NALCN: variants seen among roughly 807,000 people sequenced by gnomAD.
The protein encoded by NALCN is sodium leak channel, non-selective.
In NALCN, 111 loss-of-function variants were observed where a neutral mutation model predicts 225.3. The observed-to-expected ratio is 0.49, with a 90% confidence interval of 0.42 to 0.58. The LOEUF is 0.58. NALCN is among the 20% of genes least tolerant of loss of function. NALCN has a pLI of 0.00. For missense variants in NALCN, 1,378 were observed against 2,202.4 expected (o/e 0.63, Z 7.49); for synonymous variants, 764 against 769.0 (o/e 0.99, Z 0.11).
chr13:101,180,795 T>C (rs999455410), intron 14 of NALCN: 5 of 320,356 alleles, frequency 1.6e-5, no homozygotes, highest in African/African-American at 1.1e-4. Context: ...ACACTGCCGA[T>C]GCTCCCAAGT....
At chr13:101,318,858 T>C (rs2044648140) in intron 7 of NALCN, among the ~76,000 whole-genome samples, 1 of 152,200 alleles carries the variant, frequency 6.6e-6, no homozygotes, top group African/African-American at 2.4e-5. Flanking sequence ...CTCACATCTT[T>C]TTTTTAGTGA....
chr13:101,219,558 G>A (rs1401938335), intron 13 of NALCN, among the ~76,000 whole-genome samples: 1 of 152,104 alleles, frequency 6.6e-6, no homozygotes, highest in Non-Finnish European at 1.5e-5. Flanking sequence ...AGACTATCAG[G>A]TGCTGGTTTG....
Position 101,242,273 on chromosome 13 carries a change from TG to T in NALCN, c.1267-4352del, listed in dbSNP as rs1287533468. 1.9e-5 allele frequency among the ~76,000 whole-genome samples: 2 copies of T among 106,448 alleles called. 1 individual carries two copies. Among genetic ancestry groups the T allele is most frequent in the African/African-American group, 6.8e-5 (2 of 29,626 alleles). 69.8% of individuals were successfully genotyped at this position (106,448 alleles called of 152,430 possible). ...CTTCCTGTGTATTTTATGTCATTGC[TG>T]TTTCATTTTTAACCTTATCTTGTCT... On this transcript the variant is annotated intron_variant, in intron 11 of 43. Coordinates refer to ENST00000251127, the MANE Select transcript of NALCN (RefSeq NM_052867.4).
Position 101,191,986 on chromosome 13 carries a change from A to G in NALCN, c.1695T>C (p.Asn565=), listed in dbSNP as rs2039701178. The change falls in exon 14 of 44, where the codon AAT becomes AAC. Residue 565 remains asparagine, a synonymous_variant. Transcript: ENST00000251127. ...CGGGTGCCCACATATGTCCCACAGCATTTAGAGTTTGGTCCATTACGTCCA... is the reference window on the plus strand; with the variant it reads ...CGGGTGCCCACATATGTCCCACAGCGTTTAGAGTTTGGTCCATTACGTCCA... ...GWVDVMDQTL[N]AVGHMWAPVV... is the part of the protein sequence containing the mutation. 1 of 1,603,296 alleles carries G rather than the reference A, an allele frequency of 6.2e-7. No individual in the cohort carries two copies. The highest frequency in any genetic ancestry group is 2.3e-5 in the East Asian group (1 of 44,218).
intron 7 of NALCN, among the ~76,000 whole-genome samples, chr13:101,301,133 G>C (rs547927857): frequency 6.6e-6 from 1 of 152,190 alleles, no homozygotes; most frequent in Admixed American, 6.5e-5. Context: ...AGAGGTGAAG[G>C]CTTTCACTAT....
At chr13:101,311,594 C>T (rs2044348720) in intron 7 of NALCN, among the ~76,000 whole-genome samples, 1 of 151,962 alleles carries the variant, frequency 6.6e-6, no homozygotes, top group African/African-American at 2.4e-5. Context: ...TGTCAAAGGC[C>T]TTTTCTGCAT....
rs184077340 is a variant in NALCN, at chr13:101,187,850, C to A, written c.1764+4067G>T. Reference sequence around the variant, plus strand: ...TTTTCTTAAAGGTCCAGACAGTAAACATTTTAGACGTTGAGGGTCATGAGG... The same window carrying A: ...TTTTCTTAAAGGTCCAGACAGTAAAAATTTTAGACGTTGAGGGTCATGAGG... On this transcript the variant is annotated intron_variant, in intron 14 of 43. Transcript: ENST00000251127. Among the ~76,000 whole-genome samples the A allele has an allele frequency of 3.9e-3, 590 of 152,262 alleles. 14 individuals carry two copies. The highest frequency in any genetic ancestry group is 0.035 in the Admixed American group (540 of 15,288).
At chr13:101,317,897 T>C (rs2044608926) in intron 7 of NALCN, among the ~76,000 whole-genome samples, 1 of 152,132 alleles carries the variant, frequency 6.6e-6, no homozygotes, top group South Asian at 2.1e-4. Context: ...GCTAAAAACA[T>C]TATCTACTTA....
chr13:101,272,643 A>C (rs1379479177), intron 10 of NALCN, among the ~76,000 whole-genome samples: 3 of 152,210 alleles, frequency 2.0e-5, no homozygotes, highest in Non-Finnish European at 4.4e-5. Context: ...AAGAAGGATC[A>C]GATTGAATTT....
intron 7 of NALCN, among the ~76,000 whole-genome samples, chr13:101,303,434 C>T (rs975454448): frequency 2.0e-5 from 3 of 151,984 alleles, no homozygotes; most frequent in African/African-American, 7.3e-5. Context: ...CCTGGTGGAC[C>T]CCAAGACATT....
chr13:101,377,153 C>T lies in NALCN; in HGVS notation c.376-97G>A, dbSNP rs768867739. The T allele has an allele frequency of 9.5e-4, 1,370 of 1,446,676 alleles. 1 individual carries two copies. The highest frequency in any genetic ancestry group is 1.8e-3 in the Middle Eastern group (10 of 5,578). The allele number at this position is 1,446,676 out of a possible 1,614,324, so 89.6% of individuals were successfully genotyped here. A position where few individuals can be genotyped will look rare whatever the true frequency, so the allele number is the denominator to read the frequency against. On this transcript the variant is annotated intron_variant, in intron 4 of 43. Coordinates refer to ENST00000251127, the MANE Select transcript of NALCN (RefSeq NM_052867.4). ...ATGTTAGCAGCATAAGTAGGTGCAC[C>T]TCTACTCTGAATTTAGCCATACATT...
chr13:101,318,991 G>A (rs516422), intron 7 of NALCN, among the ~76,000 whole-genome samples: 62,015 of 151,986 alleles, frequency 0.41, 12,999 homozygotes, highest in Middle Eastern at 0.47. Context: ...TGGGTAAAGT[G>A]CTGCTGGATG....
At position 101,171,097 on chromosome 13, in the gene NALCN, A is replaced by T. The variant is rs934541213; in HGVS notation, c.1839+5203T>A. 3.3e-5 allele frequency among the ~76,000 whole-genome samples: 5 copies of T among 152,050 alleles called. No homozygotes were observed. The East Asian group carries it at 9.7e-4, about 29-fold the overall frequency. Reference sequence around the variant, plus strand: ...GGGTTTTGTTGTAGCCTCTATACCAACTGATTTATCAGGAATCTCCTCAGC... The same window carrying T: ...GGGTTTTGTTGTAGCCTCTATACCATCTGATTTATCAGGAATCTCCTCAGC... On this transcript the variant is annotated intron_variant, in intron 15 of 43. Transcript: ENST00000251127.
At chr13:101,314,107 AC>A (rs2044461913) in intron 7 of NALCN, among the ~76,000 whole-genome samples, 1 of 143,298 alleles carries the variant, frequency 7.0e-6, no homozygotes, top group Non-Finnish European at 1.5e-5. Context: ...TGGGAATTGA[AC>A]AATGAGAACA....
intron 43 of NALCN, chr13:101,056,884 A>C (rs373890823): frequency 6.6e-6 from 1 of 152,324 alleles, no homozygotes. Flanking sequence ...TCAGCTTGTA[A>C]TTTATGACCT....
chr13:101,290,922 A>T (rs577779581), intron 9 of NALCN, among the ~76,000 whole-genome samples: 9 of 152,170 alleles, frequency 5.9e-5, no homozygotes, highest in African/African-American at 1.9e-4. Context: ...TCTCTCTTTT[A>T]TAAAGATTCA....
chr13:101,288,731 C>T (rs919447171), intron 9 of NALCN, among the ~76,000 whole-genome samples: 1 of 152,134 alleles, frequency 6.6e-6, no homozygotes, highest in African/African-American at 2.4e-5. Flanking sequence ...TCAATATGAT[C>T]CTATTGGATT....
intron 1 of NALCN, among the ~76,000 whole-genome samples, chr13:101,407,888 T>G (rs953693231): frequency 2.6e-5 from 4 of 152,232 alleles, no homozygotes; most frequent in African/African-American, 9.6e-5. Context: ...TAAAAAAATT[T>G]TCAGTTTAAA....
At chr13:101,153,775 T>C (rs990252576) in intron 15 of NALCN, among the ~76,000 whole-genome samples, 2 of 152,232 alleles carry the variant, frequency 1.3e-5, no homozygotes, top group Non-Finnish European at 2.9e-5. Flanking sequence ...GTTTTTTCCC[T>C]TTAAACCAAT....
Sources: allele counts gnomAD v4.1 joint callset (sites outside exome capture counted in the v4.1 genomes callset), GRCh38; gene constraint gnomAD v4.1.1; transcripts MANE v1.5; gene names NCBI Gene and HGNC (gene_info 2026-07-23, HGNC 2026-07-21).